Variants in ASIC2 observed in about 807,000 individuals in gnomAD.
ASIC2 encodes the protein acid-sensing ion channel 2.
Under a neutral mutation model 57.3 loss-of-function variants are expected in ASIC2, and 25 were observed. The ratio of observed to expected loss-of-function variants is 0.44; its 90% CI spans 0.32 to 0.61. ASIC2 has a LOEUF of 0.61. Among genes scored for constraint, ASIC2 ranks in the 20% least tolerant of loss-of-function variants. The pLI, the probability that ASIC2 is intolerant of heterozygous loss-of-function variation, is 0.06. For synonymous variants in ASIC2, 319 were observed against 307.5 expected, an observed-to-expected ratio of 1.04 and a Z score of -0.39; for missense variants, 641 against 738.1, an observed-to-expected ratio of 0.87 and a Z score of 1.52.
intron 1 of ASIC2, among the ~76,000 whole-genome samples, chr17:33,810,561 T>A (rs1753380525): frequency 6.6e-6 from 1 of 152,140 alleles, no homozygotes; most frequent in African/African-American, 2.4e-5. Context: ...GTCTTCAGAA[T>A]TCATTTGATT....
chr17:33,788,718 G>A (rs1352090019), intron 1 of ASIC2, among the ~76,000 whole-genome samples: 1 of 152,184 alleles, frequency 6.6e-6, no homozygotes, highest in Non-Finnish European at 1.5e-5. Context: ...TTACTATGCA[G>A]CCATAAAAAG....
intron 1 of ASIC2, among the ~76,000 whole-genome samples, chr17:33,127,327 G>A (rs2092327930): frequency 6.6e-6 from 1 of 152,196 alleles, no homozygotes; most frequent in Non-Finnish European, 1.5e-5. Context: ...CTCCCAGGAT[G>A]CAGAATGGGG....
chr17:33,506,314 G>C (rs901460336), intron 1 of ASIC2, among the ~76,000 whole-genome samples: 4 of 151,772 alleles, frequency 2.6e-5, no homozygotes, highest in Non-Finnish European at 5.9e-5. Flanking sequence ...TCGGGAGGCT[G>C]AGGCCGGCGA....
chr17:33,729,127 A>G (rs1241571275), intron 1 of ASIC2, among the ~76,000 whole-genome samples: 1 of 152,210 alleles, frequency 6.6e-6, no homozygotes, highest in Non-Finnish European at 1.5e-5. Context: ...TAATTGGCTT[A>G]TGGCTCTGCA....
intron 1 of ASIC2, among the ~76,000 whole-genome samples, chr17:33,348,862 T>A (rs957465663): frequency 6.6e-6 from 1 of 152,172 alleles, no homozygotes; most frequent in Admixed American, 6.5e-5. Flanking sequence ...AGGGATCTCA[T>A]GTGTCCCCAG....
intron 1 of ASIC2, among the ~76,000 whole-genome samples, chr17:33,479,636 A>G (rs1913338631): frequency 6.6e-6 from 1 of 152,172 alleles, no homozygotes. Flanking sequence ...TACCTTCCAC[A>G]TTCACAAAAG....
chr17:33,876,280 G>T (rs1329899539), intron 1 of ASIC2, among the ~76,000 whole-genome samples: 4 of 152,192 alleles, frequency 2.6e-5, no homozygotes, highest in African/African-American at 9.7e-5. Flanking sequence ...AAGAGAAGAG[G>T]AGTCTTAGTG....
At chr17:34,110,627 G>GT (rs1466950893) in intron 1 of ASIC2, among the ~76,000 whole-genome samples, 2 of 152,124 alleles carry the variant, frequency 1.3e-5, no homozygotes, top group African/African-American at 4.8e-5. Context: ...TTAAGCCTTC[G>GT]TATTAGATGA....
chr17:33,108,556 C>T (rs868260983), intron 2 of ASIC2, among the ~76,000 whole-genome samples: 1 of 152,208 alleles, frequency 6.6e-6, no homozygotes, highest in African/African-American at 2.4e-5. Context: ...GCATCTCTCA[C>T]CTGCGAGAGC....
chr17:34,097,810 C>T (rs1166131959), intron 1 of ASIC2, among the ~76,000 whole-genome samples: 1 of 152,082 alleles, frequency 6.6e-6, no homozygotes, highest in African/African-American at 2.4e-5. Flanking sequence ...CTTTACCCTC[C>T]CCCAAACTGC....
At chr17:33,262,022 A>G (rs1034490986) in intron 1 of ASIC2, among the ~76,000 whole-genome samples, 1 of 152,208 alleles carries the variant, frequency 6.6e-6, no homozygotes, top group African/African-American at 2.4e-5. Flanking sequence ...GACAGGAGTA[A>G]TGAAGGGTAG....
intron 1 of ASIC2, among the ~76,000 whole-genome samples, chr17:33,836,984 G>C (rs1380034660): frequency 6.6e-6 from 1 of 152,238 alleles, no homozygotes; most frequent in Non-Finnish European, 1.5e-5. Context: ...TTGTCCAACA[G>C]TTATGCCAAA....
intron 1 of ASIC2, among the ~76,000 whole-genome samples, chr17:33,259,539 T>C (rs1330769663): frequency 2.0e-5 from 3 of 151,760 alleles, no homozygotes. Context: ...AGGCCCCCTT[T>C]ACTGAGCAGT....
intron 1 of ASIC2, among the ~76,000 whole-genome samples, chr17:33,712,327 C>A (rs1332000228): frequency 1.3e-5 from 2 of 152,196 alleles, no homozygotes; most frequent in African/African-American, 4.8e-5. Flanking sequence ...ACAACACACA[C>A]TGAGCCACAA....
At chr17:33,405,419 A>T (rs1197929178) in intron 1 of ASIC2, among the ~76,000 whole-genome samples, 1 of 150,956 alleles carries the variant, frequency 6.6e-6, no homozygotes, top group Non-Finnish European at 1.5e-5. Flanking sequence ...GAGAGAGATC[A>T]CCCCTCCCAG....
At chr17:33,708,045 T>C (rs2142073916) in intron 1 of ASIC2, among the ~76,000 whole-genome samples, 1 of 152,336 alleles carries the variant, frequency 6.6e-6, no homozygotes, top group South Asian at 2.1e-4. Flanking sequence ...CTGGGTCAAC[T>C]TCTTCAGAGA....
chr17:33,631,502 C>T (rs748395847), intron 1 of ASIC2, among the ~76,000 whole-genome samples: 7 of 152,000 alleles, frequency 4.6e-5, no homozygotes, highest in African/African-American at 1.2e-4. Flanking sequence ...GGTTCTGTGA[C>T]GTTTTTGTAT....
At chr17:33,040,754 A>G (rs1486818948) in intron 3 of ASIC2, among the ~76,000 whole-genome samples, 4 of 152,234 alleles carry the variant, frequency 2.6e-5, no homozygotes, top group Non-Finnish European at 5.9e-5. Context: ...TTTTTCAGAC[A>G]GCATAGTCAA....
chr17:34,049,264 C>G (rs6505394), intron 1 of ASIC2, among the ~76,000 whole-genome samples: 79,390 of 151,968 alleles, frequency 0.52, 23,902 homozygotes, highest in African/African-American at 0.84. Flanking sequence ...CTGCACTCCT[C>G]CCTTGGGCAA....
Sources: allele counts gnomAD v4.1 joint callset (sites outside exome capture counted in the v4.1 genomes callset), GRCh38; gene constraint gnomAD v4.1.1; transcripts MANE v1.5; gene names NCBI Gene and HGNC (gene_info 2026-07-23, HGNC 2026-07-21).